NBEA: variants seen among roughly 807,000 people sequenced by gnomAD.
The protein encoded by NBEA is neurobeachin.
NBEA carries 44 observed loss-of-function variants against 343.4 expected under a neutral mutation model. That is an observed-to-expected ratio of 0.13 (90% CI 0.10 to 0.16). NBEA has a LOEUF of 0.16. Ranked by LOEUF, NBEA falls within the 10% of genes least tolerant of loss-of-function variation. NBEA has a pLI of 1.00. For missense variants in NBEA, 2,555 were observed against 3,631.3 expected (o/e 0.70, Z 7.62); for synonymous variants, 1,175 against 1,238.7 (o/e 0.95, Z 1.08).
At chr13:35,577,789 T>A (rs1456850219) in intron 45 of NBEA, among the ~76,000 whole-genome samples, 1 of 152,002 alleles carries the variant, frequency 6.6e-6, no homozygotes, top group Non-Finnish European at 1.5e-5. Flanking sequence ...CACTACTGGG[T>A]TAAAAAGATG....
chr13:35,297,664 A>G (rs2036224360), intron 35 of NBEA, among the ~76,000 whole-genome samples: 3 of 151,984 alleles, frequency 2.0e-5, no homozygotes, highest in Admixed American at 1.3e-4. Context: ...ACACCATACT[A>G]AAGATCACTT....
intron 38 of NBEA, among the ~76,000 whole-genome samples, chr13:35,399,581 A>C (rs1466885331): frequency 1.3e-5 from 2 of 152,132 alleles, no homozygotes; most frequent in African/African-American, 4.8e-5. Flanking sequence ...TTACAATTGG[A>C]GATGAGATTT....
At position 35,182,527 on chromosome 13, in the gene NBEA, A is replaced by C; in HGVS notation, c.4830A>C (p.Thr1610=). The part of the protein sequence containing the change: ...IRQEINSPTS[T]VVVIPSIPHP... Reference sequence around the variant, plus strand: ...AAGAAATAAATTCACCAACAAGTACAGGTACTTAACATTGTATAATTATTT... The same window carrying C: ...AAGAAATAAATTCACCAACAAGTACCGGTACTTAACATTGTATAATTATTT... Residue 1610 remains threonine (T), a splice_region_variant and synonymous_variant, in exon 29 of 59, where the codon ACA becomes ACC. Transcript: ENST00000379939. The C allele has an allele frequency of 6.2e-7, 1 of 1,606,770 alleles. No individual in the cohort carries two copies. The highest frequency in any genetic ancestry group is 2.3e-5 in the East Asian group (1 of 44,366).
At chr13:35,190,130 C>T (rs1382148797) in intron 30 of NBEA, among the ~76,000 whole-genome samples, 1 of 152,094 alleles carries the variant, frequency 6.6e-6, no homozygotes, top group African/African-American at 2.4e-5. Flanking sequence ...CTGGAAAACT[C>T]CATTCACAGG....
At chr13:35,423,367 T>C (rs2044426012) in intron 38 of NBEA, among the ~76,000 whole-genome samples, 1 of 152,210 alleles carries the variant, frequency 6.6e-6, no homozygotes, top group African/African-American at 2.4e-5. Flanking sequence ...TTTCTACATA[T>C]GGTTAGCCAG....
intron 49 of NBEA, among the ~76,000 whole-genome samples, chr13:35,635,768 CACACA>C (rs1311653891): frequency 2.0e-5 from 3 of 152,132 alleles, no homozygotes; most frequent in African/African-American, 7.2e-5. Context: ...AAATTAATGA[CACACA>C]TTTAATTTTG....
At chr13:35,097,853 A>G (rs1219552101) in intron 10 of NBEA, among the ~76,000 whole-genome samples, 1 of 152,062 alleles carries the variant, frequency 6.6e-6, no homozygotes, top group East Asian at 1.9e-4. Context: ...TGAAAAGTTT[A>G]TTTAAAAATA....
chr13:35,223,230 T>C (rs1255858187), intron 33 of NBEA, among the ~76,000 whole-genome samples: 1 of 148,412 alleles, frequency 6.7e-6, no homozygotes, highest in African/African-American at 2.6e-5. Flanking sequence ...ATAGATTTAT[T>C]TATCTTTTCT....
chr13:35,270,846 G>A (rs1490656578), intron 34 of NBEA, among the ~76,000 whole-genome samples: 1 of 152,212 alleles, frequency 6.6e-6, no homozygotes, highest in Non-Finnish European at 1.5e-5. Context: ...CAGCAGGGAA[G>A]CTTGAACTGG....
rs768877128 is a variant in NBEA at position 35,667,369 on chromosome 13, T to C, written c.8465-5T>C. 3 of 1,612,732 alleles carry C rather than the reference T, an allele frequency of 1.9e-6. No homozygotes were observed. The highest frequency in any genetic ancestry group is 2.7e-5 in the African/African-American group (2 of 75,020). ...GACCCTGGCATTGATGTCCCCACTT[T>C]GCAGAGGGCCCTTGCCTTGTCCACA... On this transcript the variant is annotated splice_polypyrimidine_tract_variant and splice_region_variant and intron_variant, in intron 56 of 58. Coordinates refer to ENST00000379939, the MANE Select transcript of NBEA (RefSeq NM_001385012.1).
chr13:35,124,894 T>C (rs558945720), intron 17 of NBEA, among the ~76,000 whole-genome samples: 3 of 152,130 alleles, frequency 2.0e-5, no homozygotes, highest in African/African-American at 7.2e-5. Context: ...AAGAAGCATA[T>C]GCCCTTTTTA....
intron 40 of NBEA, among the ~76,000 whole-genome samples, chr13:35,468,281 C>T (rs927191590): frequency 6.6e-6 from 1 of 152,130 alleles, no homozygotes; most frequent in African/African-American, 2.4e-5. Context: ...ACATAAACAA[C>T]CTCACAGAGC....
intron 29 of NBEA, 97 bp from the exon 30 acceptor site, chr13:35,183,879 A>T (rs941130861): frequency 1.4e-6 from 1 of 719,502 alleles, no homozygotes; most frequent in Admixed American, 2.8e-5. Flanking sequence ...TATTGTTTGC[A>T]TGTTGCAGTA....
intron 39 of NBEA, among the ~76,000 whole-genome samples, chr13:35,434,855 A>C (rs949940360): frequency 6.6e-6 from 1 of 152,204 alleles, no homozygotes; most frequent in Non-Finnish European, 1.5e-5. Context: ...TAGGAAGTAC[A>C]TGTCAATAAT....
intron 41 of NBEA, among the ~76,000 whole-genome samples, chr13:35,484,985 T>C (rs2076259699): frequency 6.6e-6 from 1 of 152,114 alleles, no homozygotes; most frequent in African/African-American, 2.4e-5. Context: ...ATTTATAACA[T>C]TTTAAAGTTT....
At chr13:35,268,989 C>T (rs147493560) in intron 34 of NBEA, among the ~76,000 whole-genome samples, 4 of 151,906 alleles carry the variant, frequency 2.6e-5, no homozygotes, top group Non-Finnish European at 5.9e-5. Flanking sequence ...AATTTATTGC[C>T]AGCAGATCTG....
intron 33 of NBEA, among the ~76,000 whole-genome samples, chr13:35,231,849 C>G (rs955987803): frequency 1.3e-5 from 2 of 152,082 alleles, no homozygotes; most frequent in Admixed American, 6.6e-5. Context: ...TTTGTCTAAG[C>G]AGAAATATTT....
chr13:35,632,801 C>T (rs2083514555), intron 49 of NBEA, among the ~76,000 whole-genome samples: 1 of 151,928 alleles, frequency 6.6e-6, no homozygotes, highest in Non-Finnish European at 1.5e-5. Flanking sequence ...ACCATGTTGG[C>T]CAGGATGGTC....
intron 39 of NBEA, among the ~76,000 whole-genome samples, chr13:35,437,754 C>G (rs74054544): frequency 0.017 from 2,532 of 152,196 alleles, 58 homozygotes; most frequent in African/African-American, 0.059. Flanking sequence ...CATAAACTCA[C>G]CTTCTGATCT....
Sources: allele counts gnomAD v4.1 joint callset (sites outside exome capture counted in the v4.1 genomes callset), GRCh38; gene constraint gnomAD v4.1.1; transcripts MANE v1.5; gene names NCBI Gene and HGNC (gene_info 2026-07-23, HGNC 2026-07-21).